Variants in ERCC6L2 observed in about 807,000 individuals in gnomAD.
The protein encoded by ERCC6L2 is DNA excision repair protein ERCC-6-like 2.
Under a neutral mutation model 132.0 loss-of-function variants are expected in ERCC6L2, and 77 were observed. That is an observed-to-expected ratio of 0.58 (90% CI 0.49 to 0.71). The LOEUF (loss-of-function observed/expected upper bound fraction) is 0.71. Ranked by LOEUF, ERCC6L2 falls within the 30% of genes least tolerant of loss-of-function variation. The pLI, the probability that ERCC6L2 is intolerant of heterozygous loss-of-function variation, is 0.00. For missense variants in ERCC6L2, 1,542 were observed against 1,837.6 expected (o/e 0.84, Z 2.94); for synonymous variants, 583 against 632.4 (o/e 0.92, Z 1.17).
chr9:96,031,737 C>T (rs1834462865), intron 19 of ERCC6L2, among the ~76,000 whole-genome samples: 2 of 152,184 alleles, frequency 1.3e-5, no homozygotes, highest in South Asian at 4.1e-4. Context: ...CTCGTCACTT[C>T]CCACCATCCC....
At position 95,966,693 on chromosome 9, in the gene ERCC6L2, T is replaced by A; in HGVS notation, c.2079T>A (p.Cys693Ter). 6.7e-7 allele frequency: 1 copy of A among 1,483,598 alleles called. No individual in the cohort carries two copies. Among genetic ancestry groups the A allele is most frequent in the Non-Finnish European group, 9.1e-7 (1 of 1,095,742 alleles). 91.9% of individuals were successfully genotyped at this position (1,483,598 alleles called of 1,614,324 possible). The change falls in exon 14 of 19, where the codon TGT becomes TGA. Residue 693 changes from cysteine to a stop codon, truncating the protein, a stop_gained. Transcript: ENST00000653738. LOFTEE classifies it high-confidence loss of function. ...NLFKFRSQGS[C>*]LTKDILEREG... ...TCAAATTTAGGTCCCAAGGGTCTTG[T>A]CTTACGAAGGACATCCTGGAGGTGT...
At chr9:95,883,485 C>T (rs998241519) in intron 2 of ERCC6L2, among the ~76,000 whole-genome samples, 8 of 152,148 alleles carry the variant, frequency 5.3e-5, no homozygotes, top group Non-Finnish European at 1.0e-4. Flanking sequence ...TAACTGTTTT[C>T]GCATATACTT....
rs1164705975 is a variant in ERCC6L2, at chr9:96,012,346, C to T, written c.3796C>T (p.Gln1266Ter). The T allele has an allele frequency of 1.5e-6, 2 of 1,362,044 alleles. No homozygotes were observed. The highest frequency in any genetic ancestry group is 2.0e-6 in the Non-Finnish European group (2 of 1,017,578). The allele number at this position is 1,362,044 out of a possible 1,614,324, so 84.4% of individuals were successfully genotyped here. A position where few individuals can be genotyped will look rare whatever the true frequency, so the allele number is the denominator to read the frequency against. Residue 1266 changes from glutamine to a stop codon, truncating the protein, a stop_gained, in exon 19 of 19, where the codon CAA becomes TAA. Coordinates refer to ENST00000653738, the MANE Select transcript of ERCC6L2 (RefSeq NM_020207.7). LOFTEE classifies it low-confidence loss of function (END_TRUNC). ...QKMLRDFYAS[Q>*]YPEVKEFFVD... ...AATGCTAAGAGACTTTTATGCTTCT[C>T]AATATCCAGAGGTAAAAGAATTTTT...
intron 12 of ERCC6L2, among the ~76,000 whole-genome samples, chr9:95,955,384 A>G (rs980671079): frequency 2.6e-5 from 4 of 152,052 alleles, no homozygotes; most frequent in South Asian, 4.1e-4. Flanking sequence ...CAAGTATACA[A>G]TTGATAAGTT....
chr9:95,877,115 G>GT (rs982774363), intron 1 of ERCC6L2: 2 of 152,154 alleles, frequency 1.3e-5, no homozygotes, highest in Non-Finnish European at 2.9e-5. Flanking sequence ...AGTTGAGTTG[G>GT]TAATTAGTTT....
chr9:96,018,807 A>G (rs112783233), downstream of ERCC6L2, among the ~76,000 whole-genome samples: 41 of 152,244 alleles, frequency 2.7e-4, no homozygotes, highest in Admixed American at 5.9e-4. Context: ...TTATTGCCTA[A>G]GTTTCCATTA....
At chr9:95,969,900 TA>T (rs1393351786) in intron 14 of ERCC6L2, among the ~76,000 whole-genome samples, 1 of 152,152 alleles carries the variant, frequency 6.6e-6, no homozygotes. Flanking sequence ...TCAACAAATA[TA>T]GCCTTAAAAA....
At chr9:95,986,646 A>G (rs1833107715) in intron 17 of ERCC6L2, among the ~76,000 whole-genome samples, 1 of 151,856 alleles carries the variant, frequency 6.6e-6, no homozygotes, top group African/African-American at 2.4e-5. Flanking sequence ...ACAGGCACAC[A>G]TCACCACAGC....
chr9:95,926,380 G>A (rs1830100563), intron 9 of ERCC6L2, among the ~76,000 whole-genome samples: 1 of 152,104 alleles, frequency 6.6e-6, no homozygotes, highest in African/African-American at 2.4e-5. Flanking sequence ...CAACTAAGAT[G>A]TCCTTCAGTA....
chr9:95,993,647 G>GT (rs1457458107), intron 17 of ERCC6L2, among the ~76,000 whole-genome samples: 2 of 152,310 alleles, frequency 1.3e-5, no homozygotes, highest in East Asian at 1.9e-4. Flanking sequence ...TTTGATATGT[G>GT]TTTATTTGAA....
intron 3 of ERCC6L2, among the ~76,000 whole-genome samples, chr9:95,901,769 A>G (rs1488936946): frequency 6.6e-6 from 1 of 152,208 alleles, no homozygotes; most frequent in Non-Finnish European, 1.5e-5. Flanking sequence ...CATCAATACA[A>G]ACGTGTTGAG....
At chr9:95,934,696 A>T (rs1366921323) in intron 11 of ERCC6L2, among the ~76,000 whole-genome samples, 1 of 152,166 alleles carries the variant, frequency 6.6e-6, no homozygotes, top group Admixed American at 6.5e-5. Context: ...TTGAAATACA[A>T]TGCTTTATTC....
chr9:95,954,708 C>T, intron 12 of ERCC6L2: 1 of 464,468 alleles, frequency 2.2e-6, no homozygotes, highest in Non-Finnish European at 4.5e-6. Flanking sequence ...TTTCTTAGAT[C>T]CATTTCTGGT....
At position 95,923,285 on chromosome 9, in the gene ERCC6L2, A is replaced by G; in HGVS notation, c.1439A>G (p.Asp480Gly). The G allele has an allele frequency of 2.5e-6, 4 of 1,613,754 alleles. No homozygotes were observed. The highest frequency in any genetic ancestry group is 3.4e-6 in the Non-Finnish European group (4 of 1,179,818). ...QQETLIKRIC[D>G]QVFSRFPDFV... is the part of the protein sequence containing the mutation. ...GAAACACTTATCAAAAGGATATGTG[A>G]TCAGGTATTTTCCAGATTCCCAGAT... Residue 480 changes from aspartate to glycine, a missense_variant, in exon 9 of 19, where the codon GAT becomes GGT. By Grantham distance (94) the Asp-to-Gly change is moderately conservative (BLOSUM62 -1). Coordinates refer to ENST00000653738, the MANE Select transcript of ERCC6L2 (RefSeq NM_020207.7).
At chr9:95,945,102 A>G (rs1830991532) in intron 12 of ERCC6L2, among the ~76,000 whole-genome samples, 1 of 152,190 alleles carries the variant, frequency 6.6e-6, no homozygotes, top group African/African-American at 2.4e-5. Context: ...TGGGAGCACT[A>G]CAGGAGACTG....
chr9:95,916,660 A>G (rs902867993), intron 6 of ERCC6L2, among the ~76,000 whole-genome samples: 26 of 150,894 alleles, frequency 1.7e-4, no homozygotes, highest in Middle Eastern at 3.2e-3. Context: ...ATTAGTATAC[A>G]TTAAACTCAT....
intron 1 of ERCC6L2, 99 bp downstream of exon 1, chr9:95,876,183 A>G (rs1827256119): frequency 3.5e-6 from 4 of 1,139,000 alleles, no homozygotes; most frequent in Non-Finnish European, 5.1e-6. Flanking sequence ...TTTGCCCTGT[A>G]GATCCTCTTC....
At chr9:96,004,735 A>G (rs1193504280) in intron 18 of ERCC6L2, 34 bp downstream of exon 18, 2 of 1,248,054 alleles carry the variant, frequency 1.6e-6, no homozygotes, top group Non-Finnish European at 1.1e-6. Context: ...TACTTGAAGA[A>G]TAATTCTCAA....
downstream of ERCC6L2, among the ~76,000 whole-genome samples, chr9:96,018,915 TAAGAATC>T (rs1834238331): frequency 6.6e-6 from 1 of 152,208 alleles, no homozygotes; most frequent in Non-Finnish European, 1.5e-5. Flanking sequence ...GTCTTGTAGA[TAAGAATC>T]AAGAATGCTT....
Sources: allele counts gnomAD v4.1 joint callset (sites outside exome capture counted in the v4.1 genomes callset), GRCh38; gene constraint gnomAD v4.1.1; transcripts MANE v1.5; gene names NCBI Gene and HGNC (gene_info 2026-07-23, HGNC 2026-07-21).